The following GRM8 variants were observed in gnomAD, a reference collection of about 807,000 sequenced individuals.
GRM8 encodes metabotropic glutamate receptor 8.
Under a neutral mutation model 87.2 loss-of-function variants are expected in GRM8, and 47 were observed. The observed-to-expected ratio is 0.54, with a 90% CI of 0.43 to 0.69. The LOEUF (loss-of-function observed/expected upper bound fraction) is 0.69. Ranked by LOEUF, GRM8 falls within the 30% of genes least tolerant of loss-of-function variation. The pLI is 0.00. For missense variants in GRM8, 1,019 were observed against 1,139.2 expected (o/e 0.89, Z 1.52); for synonymous variants, 396 against 404.5 (o/e 0.98, Z 0.25).
At chr7:126,532,236 C>T (rs1439006909) in intron 9 of GRM8, among the ~76,000 whole-genome samples, 2 of 152,152 alleles carry the variant, frequency 1.3e-5, no homozygotes, top group African/African-American at 4.8e-5. Context: ...TGGGGGAGTC[C>T]ATTGATCTTT....
chr7:126,460,560 C>T lies in GRM8; in HGVS notation c.2431-14188G>A, dbSNP rs80280425. Among the ~76,000 whole-genome samples, 931 of 151,706 alleles carry T rather than the reference C, an allele frequency of 6.1e-3. 13 individuals carry two copies. The highest frequency in any genetic ancestry group is 0.022 in the African/African-American group (896 of 41,474). Reference sequence around the variant, plus strand: ...ACAGACAAAAAGTCCTCTTCTTGCACATTATTCCATAAGCTCTGTGATGTA... The same window carrying T: ...ACAGACAAAAAGTCCTCTTCTTGCATATTATTCCATAAGCTCTGTGATGTA... On this transcript the variant is annotated intron_variant, in intron 9 of 10. Coordinates refer to ENST00000339582, the MANE Select transcript of GRM8 (RefSeq NM_000845.3).
chr7:127,109,598 A>G (rs1299772150), intron 2 of GRM8, among the ~76,000 whole-genome samples: 1 of 152,154 alleles, frequency 6.6e-6, no homozygotes, highest in Admixed American at 6.6e-5. Flanking sequence ...CACTAACTCC[A>G]TCAGGCAGAG....
chr7:126,619,212 A>G (rs1799848110), intron 7 of GRM8, among the ~76,000 whole-genome samples: 1 of 152,210 alleles, frequency 6.6e-6, no homozygotes, highest in Non-Finnish European at 1.5e-5. Context: ...TGATGAGTTC[A>G]TGTCCTTTGT....
intron 2 of GRM8, among the ~76,000 whole-genome samples, chr7:127,172,281 T>C (rs1297598617): frequency 6.6e-6 from 1 of 152,172 alleles, no homozygotes; most frequent in Non-Finnish European, 1.5e-5. Flanking sequence ...TTCTTTCCCT[T>C]TGTGCAAAAA....
intron 3 of GRM8, among the ~76,000 whole-genome samples, chr7:126,994,572 G>A (rs1812995882): frequency 6.6e-6 from 1 of 152,130 alleles, no homozygotes; most frequent in Non-Finnish European, 1.5e-5. Flanking sequence ...AGAGCCCCTG[G>A]GCCTTAAGTG....
intron 6 of GRM8, among the ~76,000 whole-genome samples, chr7:126,806,982 G>A (rs921446400): frequency 2.6e-5 from 4 of 152,334 alleles, no homozygotes; most frequent in South Asian, 2.1e-4. Context: ...CTCCTCGAGC[G>A]CGGCCAGAGC....
chr7:126,778,195 ATCT>A, intron 6 of GRM8, among the ~76,000 whole-genome samples: 1 of 152,140 alleles, frequency 6.6e-6, no homozygotes. Context: ...ATCACCTGCT[ATCT>A]TCTTCTGTAA....
At chr7:127,124,217 T>C (rs1827240563) in intron 2 of GRM8, among the ~76,000 whole-genome samples, 1 of 152,196 alleles carries the variant, frequency 6.6e-6, no homozygotes, top group Non-Finnish European at 1.5e-5. Flanking sequence ...ACCCTCTCCA[T>C]TGTCTTACCT....
intron 6 of GRM8, among the ~76,000 whole-genome samples, chr7:126,799,714 A>G (rs959887876): frequency 6.6e-6 from 1 of 152,156 alleles, no homozygotes; most frequent in African/African-American, 2.4e-5. Flanking sequence ...ATAGAGTACA[A>G]GAAATAGTGG....
At position 126,865,484 on chromosome 7, in the gene GRM8, C is replaced by T. The variant is rs191568719; in HGVS notation, c.1156+37058G>A. ...ACAATTCAATGGCTTTTAATATATA[C>T]ATAGCACAGCTCATCTATCAACATA... On this transcript the variant is annotated intron_variant, in intron 6 of 10. Transcript: ENST00000339582. 6.6e-5 allele frequency among the ~76,000 whole-genome samples: 10 copies of T among 152,318 alleles called. No individual in the cohort carries two copies. In the East Asian group the frequency reaches 1.9e-3, roughly 29 times the overall value.
intron 9 of GRM8, among the ~76,000 whole-genome samples, chr7:126,494,575 C>T (rs1476386139): frequency 2.0e-5 from 3 of 151,906 alleles, no homozygotes; most frequent in Non-Finnish European, 2.9e-5. Flanking sequence ...TTAGAAAATG[C>T]TTGAGGAAGA....
chr7:126,935,606 T>C (rs1806229798), intron 3 of GRM8, among the ~76,000 whole-genome samples: 1 of 152,180 alleles, frequency 6.6e-6, no homozygotes, highest in Non-Finnish European at 1.5e-5. Flanking sequence ...CAGTTACTTG[T>C]CAACTCACTG....
chr7:127,146,927 A>T (rs1303159261), intron 2 of GRM8, among the ~76,000 whole-genome samples: 1 of 152,046 alleles, frequency 6.6e-6, no homozygotes, highest in Non-Finnish European at 1.5e-5. Context: ...CAACTTAAAA[A>T]GGGGGTTGCT....
At chr7:126,897,368 A>C (rs58714513) in intron 6 of GRM8, among the ~76,000 whole-genome samples, 3,821 of 152,262 alleles carry the variant, frequency 0.025, 149 homozygotes, top group African/African-American at 0.086. Context: ...AGGTCAAGTA[A>C]GGGACTGATC....
chr7:127,095,107 T>C lies in GRM8; in HGVS notation c.727+11389A>G, dbSNP rs548770242. Among the ~76,000 whole-genome samples the C allele has an allele frequency of 3.9e-5, 6 of 152,290 alleles. No individual in the cohort carries two copies. In the South Asian group the frequency reaches 1.0e-3, roughly 26 times the overall value. On this transcript the variant is annotated intron_variant, in intron 3 of 10. Coordinates refer to ENST00000339582, the MANE Select transcript of GRM8 (RefSeq NM_000845.3). ...TAAAGTTGACAAGGAATAGGTAGTATGTCATGGTCCAAAACCAGGAGGCCA... is the reference window on the plus strand; with the variant it reads ...TAAAGTTGACAAGGAATAGGTAGTACGTCATGGTCCAAAACCAGGAGGCCA...
intron 6 of GRM8, among the ~76,000 whole-genome samples, chr7:126,876,464 T>A (rs1272643226): frequency 6.6e-6 from 1 of 152,198 alleles, no homozygotes; most frequent in Non-Finnish European, 1.5e-5. Context: ...ATGAGGAAAC[T>A]GAGAGAATTT....
chr7:126,477,889 A>G (rs1232653479), intron 9 of GRM8, among the ~76,000 whole-genome samples: 4 of 152,294 alleles, frequency 2.6e-5, no homozygotes, highest in Middle Eastern at 3.4e-3. Context: ...TCTGGAGACC[A>G]AAAGTTCAAA....
intron 9 of GRM8, among the ~76,000 whole-genome samples, chr7:126,467,373 T>C (rs1037327387): frequency 1.3e-5 from 2 of 152,066 alleles, no homozygotes; most frequent in Non-Finnish European, 2.9e-5. Flanking sequence ...GAGAGCATTT[T>C]TCTATTACTA....
At chr7:127,233,128 C>A (rs1002603301) in intron 2 of GRM8, among the ~76,000 whole-genome samples, 5 of 152,126 alleles carry the variant, frequency 3.3e-5, no homozygotes, top group Non-Finnish European at 7.3e-5. Context: ...CCGCACCCAG[C>A]CTGGGTTGTT....
Sources: gnomAD v4.1 joint callset for allele counts (sites outside exome capture counted in the v4.1 genomes callset) on GRCh38, gnomAD v4.1.1 for gene constraint, MANE v1.5 for transcripts, NCBI Gene and HGNC (gene_info 2026-07-23, HGNC 2026-07-21) for gene names.